The following NHS variants were observed in gnomAD, a reference collection of about 807,000 sequenced individuals.
NHS encodes the protein NHS actin remodeling regulator, also known as actin remodeling regulator NHS.
Under a neutral mutation model 72.5 loss-of-function variants are expected in NHS, and 5 were observed. The observed-to-expected ratio is 0.07, with a 90% CI of 0.04 to 0.14. The LOEUF is 0.14. NHS is among the 10% of genes least tolerant of loss of function. NHS has a pLI of 1.00. For synonymous variants in NHS, 464 were observed against 547.7 expected, an observed-to-expected ratio of 0.85 and a Z score of 2.13; for missense variants, 1,072 against 1,355.7, an observed-to-expected ratio of 0.79 and a Z score of 3.29.
rs903650169 is a variant in NHS at position 17,483,855 on chromosome X, T to G, written c.565+107533T>G. 1.2e-4 allele frequency among the ~76,000 whole-genome samples: 13 copies of G among 110,920 alleles called. No homozygotes were observed. The Admixed American group carries it at 1.3e-3, about 11-fold the overall frequency. On this transcript the variant is annotated intron_variant, in intron 1 of 8. Transcript: ENST00000676302. The stretch of plus-strand genomic sequence containing the variant: ...TTTTAAAGGAACGTAGTAAAGGCAC[T>G]CTTTCCTAGACTTTCCATATTTCTC...
intron 1 of NHS, among the ~76,000 whole-genome samples, chrX:17,629,925 A>G (rs1052225594): frequency 1.8e-5 from 2 of 109,730 alleles, no homozygotes; most frequent in African/African-American, 6.7e-5. Context: ...CTCCAAAGTG[A>G]TCTGACCTAT....
chrX:17,642,441 G>T (rs1369203619), intron 1 of NHS, among the ~76,000 whole-genome samples: 1 of 111,732 alleles, frequency 8.9e-6, no homozygotes, highest in Non-Finnish European at 1.9e-5. Context: ...TATGTGAAAA[G>T]AACCTTCGTA....
chrX:17,688,876 A>T (rs2066179439), intron 2 of NHS, among the ~76,000 whole-genome samples: 1 of 112,181 alleles, frequency 8.9e-6, no homozygotes. Flanking sequence ...GGGAATAAAA[A>T]GTAGCTTCAT....
intron 1 of NHS, among the ~76,000 whole-genome samples, chrX:17,505,300 A>G (rs1171754038): frequency 4.5e-5 from 5 of 111,567 alleles, no homozygotes; most frequent in Non-Finnish European, 9.4e-5. Context: ...TTTTGCAGCT[A>G]TGTCTGGGAG....
At chrX:17,453,941 A>G (rs1434467168) in intron 1 of NHS, among the ~76,000 whole-genome samples, 1 of 112,117 alleles carries the variant, frequency 8.9e-6, no homozygotes, top group Non-Finnish European at 1.9e-5. Flanking sequence ...CTTAAAGAAG[A>G]TGGCAGCAGG....
chrX:17,725,162 G>A, intron 6 of NHS, among the ~76,000 whole-genome samples, 185 bp from the exon 7 acceptor site: 1 of 109,956 alleles, frequency 9.1e-6, no homozygotes, highest in Non-Finnish European at 1.9e-5. Context: ...ATATATGAGG[G>A]GGACGTGTAT....
At chrX:17,685,860 A>G (rs904323318) in intron 1 of NHS, among the ~76,000 whole-genome samples, 4 of 111,744 alleles carry the variant, frequency 3.6e-5, no homozygotes, top group African/African-American at 1.3e-4. Flanking sequence ...CTCCCAAACT[A>G]TTTCATCCAG....
intron 1 of NHS, among the ~76,000 whole-genome samples, chrX:17,491,677 A>G (rs922890422): frequency 2.7e-5 from 3 of 109,852 alleles, no homozygotes; most frequent in African/African-American, 1.0e-4. Flanking sequence ...ATTGTTTGGA[A>G]TAGTTTCAGA....
intron 2 of NHS, among the ~76,000 whole-genome samples, 163 bp from the exon 3 acceptor site, chrX:17,692,172 A>G (rs910459707): frequency 2.7e-5 from 3 of 111,910 alleles, no homozygotes; most frequent in Admixed American, 9.5e-5. Context: ...TGAAAGTTCA[A>G]TTAAAAACCA....
chrX:17,722,773 T>C (rs754551996), intron 5 of NHS, among the ~76,000 whole-genome samples: 29 of 110,944 alleles, frequency 2.6e-4, no homozygotes, highest in African/African-American at 8.8e-4. Context: ...TTTGGCACCC[T>C]CTTAAGCTAA....
rs1277536725 is a variant in NHS, at chrX:17,727,273, T to A, written c.3167T>A (p.Val1056Asp). 11 of 1,211,403 alleles carry A rather than the reference T, an allele frequency of 9.1e-6. No homozygotes were observed. The highest frequency in any genetic ancestry group is 1.1e-5 in the Non-Finnish European group (10 of 895,141). Reference protein sequence around the residue: ...SPGGSKRKPKVPERKSSLQQP... With the variant: ...SPGGSKRKPKDPERKSSLQQP... ...GGAGGTAGCAAAAGAAAACCTAAAG[T>A]CCCAGAAAGAAAATCCTCACTACAG... The change falls in exon 7 of 9, where the codon GTC becomes GAC. Residue 1056 changes from valine to aspartate, a missense_variant. By Grantham distance (152) the Val-to-Asp change is radical (BLOSUM62 -3). Transcript: ENST00000676302.
chrX:17,647,158 A>C (rs1287676320), intron 1 of NHS, among the ~76,000 whole-genome samples: 1 of 112,686 alleles, frequency 8.9e-6, no homozygotes, highest in Non-Finnish European at 1.9e-5. Context: ...AGGGAAAAAA[A>C]AGCCCAAGCA....
intron 1 of NHS, among the ~76,000 whole-genome samples, chrX:17,404,961 G>A (rs759251771): frequency 2.9e-4 from 32 of 111,570 alleles, no homozygotes; most frequent in African/African-American, 9.4e-4. Flanking sequence ...GTCAGAATAG[G>A]CTAATTTCTG....
intron 1 of NHS, among the ~76,000 whole-genome samples, chrX:17,391,524 T>C (rs1428681451): frequency 8.9e-6 from 1 of 112,099 alleles, no homozygotes; most frequent in East Asian, 2.8e-4. Flanking sequence ...TCATTATTAT[T>C]ATCAAGAGGC....
chrX:17,610,475 G>T (rs905274174), intron 1 of NHS, among the ~76,000 whole-genome samples: 1 of 112,102 alleles, frequency 8.9e-6, no homozygotes, highest in Non-Finnish European at 1.9e-5. Context: ...TATAGAGGCA[G>T]AATAATTATT....
At chrX:17,570,308 A>T (rs1399360106) in intron 1 of NHS, among the ~76,000 whole-genome samples, 1 of 112,138 alleles carries the variant, frequency 8.9e-6, no homozygotes, top group African/African-American at 3.2e-5. Context: ...ATGAGCATGA[A>T]ATGTTTTTCC....
intron 1 of NHS, among the ~76,000 whole-genome samples, chrX:17,430,255 TTCTTTTTCTTTCTTTC>T (rs2064683328): frequency 2.3e-5 from 1 of 44,057 alleles, no homozygotes; most frequent in South Asian, 2.6e-3. Flanking sequence ...CCTCCCCTCT[TTCTTTTTCTTTCTTTC>T]TTTCTTTCTT....
At chrX:17,702,722 G>C (rs1278815572) in intron 3 of NHS, among the ~76,000 whole-genome samples, 2 of 111,681 alleles carry the variant, frequency 1.8e-5, no homozygotes, top group African/African-American at 3.3e-5. Flanking sequence ...ACAACCAAAA[G>C]GGGAAAGTCA....
chrX:17,391,518 TA>T (rs1357146598), intron 1 of NHS, among the ~76,000 whole-genome samples: 4 of 112,097 alleles, frequency 3.6e-5, no homozygotes, highest in Non-Finnish European at 7.5e-5. Context: ...GTTTTATCAT[TA>T]TTATTATCAA....
Sources: gnomAD v4.1 joint callset for allele counts (sites outside exome capture counted in the v4.1 genomes callset) on GRCh38, gnomAD v4.1.1 for gene constraint, MANE v1.5 for transcripts, NCBI Gene and HGNC (gene_info 2026-07-23, HGNC 2026-07-21) for gene names.